The following BCORL1 variants were observed in gnomAD, a reference collection of about 807,000 sequenced individuals.
BCORL1 encodes BCL6 corepressor like 1.
In BCORL1, 7 loss-of-function variants were observed where a neutral mutation model predicts 87.6. The observed-to-expected ratio is 0.08, with a 90% CI of 0.05 to 0.15. The LOEUF (loss-of-function observed/expected upper bound fraction) is 0.15. BCORL1 is among the 10% of genes least tolerant of loss of function. The pLI, the probability that BCORL1 is intolerant of heterozygous loss-of-function variation, is 1.00. For missense variants in BCORL1, 1,215 were observed against 1,499.7 expected (o/e 0.81, Z 3.13); for synonymous variants, 591 against 634.4 (o/e 0.93, Z 1.03).
At chrX:130,039,084 C>T (rs1311879070) in intron 10 of BCORL1, 53 bp from the exon 11 acceptor site, 90 of 1,180,449 alleles carry the variant, frequency 7.6e-5, no homozygotes, top group Non-Finnish European at 9.2e-6. Flanking sequence ...TAAGTGTAGA[C>T]ACCCCAGTTC....
intron 1 of BCORL1, among the ~76,000 whole-genome samples, chrX:129,984,581 C>G (rs935364591): frequency 1.8e-5 from 2 of 111,110 alleles, no homozygotes; most frequent in African/African-American, 6.5e-5. Flanking sequence ...GGGCCCTCCT[C>G]GCCGGGGTCC....
chrX:130,013,027 G>T lies in BCORL1; in HGVS notation c.255G>T (p.Gly85=). 1 of 1,209,267 alleles carries T rather than the reference G, an allele frequency of 8.3e-7. No individual in the cohort carries two copies. Among genetic ancestry groups the T allele is most frequent in the Middle Eastern group, 2.3e-4 (1 of 4,345 alleles). The change falls in exon 4 of 14, where the codon GGG becomes GGT. Residue 85 remains glycine, a synonymous_variant. Coordinates refer to ENST00000540052, the MANE Select transcript of BCORL1 (RefSeq NM_001379451.1). ...DPDGSATEKL[G]HKSEDKPDDP... ...ATGGCAGTGCTACAGAAAAACTTGG[G>T]CACAAGTCAGAAGACAAGCCTGACG...
rs776306357 is a variant in BCORL1, at chrX:130,015,345, C to T, written c.2573C>T (p.Ala858Val). 15 of 1,210,440 alleles carry T rather than the reference C, an allele frequency of 1.2e-5. No individual in the cohort carries two copies. The highest frequency in any genetic ancestry group is 3.5e-5 in the South Asian group (2 of 56,896). Reference sequence around the variant, plus strand: ...GGGCAGCTGACCCCCAGTCAGGGGGCGCCCATCAGGCCCACCAGCGTTGTT... The same window carrying T: ...GGGCAGCTGACCCCCAGTCAGGGGGTGCCCATCAGGCCCACCAGCGTTGTT... The part of the protein sequence containing the change: ...SAGQLTPSQG[A>V]PIRPTSVVSE... Residue 858 changes from alanine to valine, a missense_variant, in exon 4 of 14, where the codon GCG becomes GTG. By Grantham distance (64) the Ala-to-Val change is moderately conservative. This residue lies in a region of BCORL1 where 861 missense variants were observed against 1,010.0 expected (regional missense o/e 0.85). Coordinates refer to ENST00000540052, the MANE Select transcript of BCORL1 (RefSeq NM_001379451.1).
chrX:130,024,993 G>A lies in BCORL1; in HGVS notation c.3692G>A (p.Ser1231Asn). The A allele has an allele frequency of 3.3e-6, 4 of 1,210,359 alleles. No homozygotes were observed. Among genetic ancestry groups the A allele is most frequent in the Non-Finnish European group, 4.5e-6 (4 of 894,631 alleles). The change falls in exon 7 of 14, where the codon AGC (serine) becomes AAC (asparagine). Residue 1231 changes from serine to asparagine, a missense_variant. By Grantham distance (46) the Ser-to-Asn change is conservative. This residue lies in a region of BCORL1 where 166 missense variants were observed against 196.5 expected (regional missense o/e 0.84). Coordinates refer to ENST00000540052, the MANE Select transcript of BCORL1 (RefSeq NM_001379451.1). ...LSTRTRSQSG[S>N]ICSSFAGMAD... ...CCTCTGTACATCCCATCCACAGGAA[G>A]CATCTGTAGCTCCTTTGCTGGCATG...
chrX:130,050,105 T>C (rs922134966), intron 11 of BCORL1, among the ~76,000 whole-genome samples: 2 of 110,729 alleles, frequency 1.8e-5, no homozygotes, highest in African/African-American at 3.3e-5. Context: ...TTGGGAAATC[T>C]GGATTTTTAA....
At chrX:130,005,782 AT>A (rs143969417) in intron 2 of BCORL1, among the ~76,000 whole-genome samples, 8,713 of 98,234 alleles carry the variant, frequency 0.089, 477 homozygotes, top group Admixed American at 0.24. Context: ...CGCCCGGCTA[AT>A]TTTTTTTTTT....
chrX:130,043,157 G>A (rs1303875061), intron 11 of BCORL1, among the ~76,000 whole-genome samples: 1 of 103,438 alleles, frequency 9.7e-6, no homozygotes, highest in East Asian at 3.2e-4. Context: ...TCAGCTTCCC[G>A]AGTAGCTATG....
At chrX:129,989,281 G>T (rs1437196764) in intron 1 of BCORL1, among the ~76,000 whole-genome samples, 1 of 102,048 alleles carries the variant, frequency 9.8e-6, no homozygotes, top group East Asian at 3.0e-4. Flanking sequence ...GACTACAGGC[G>T]CCCGCCACCA....
rs147178297 is a variant in BCORL1, at chrX:129,998,178, G to A, written c.-44-7010G>A. 9.4e-3 allele frequency among the ~76,000 whole-genome samples: 1,037 copies of A among 110,722 alleles called. 13 individuals carry two copies. Among genetic ancestry groups the A allele is most frequent in the African/African-American group, 0.032 (986 of 30,368 alleles). On this transcript the variant is annotated intron_variant, in intron 1 of 13. Transcript: ENST00000540052. ...TGACCAGGGTTGATTCTTGGGCCAT[G>A]CAGCTGTTCATTTCTTTAACAATTA...
chrX:130,003,019 C>T (rs770748828), intron 1 of BCORL1, among the ~76,000 whole-genome samples: 76 of 110,586 alleles, frequency 6.9e-4, no homozygotes, highest in African/African-American at 2.4e-3. Flanking sequence ...GGCAACGTAT[C>T]CCACTCTGCA....
intron 1 of BCORL1, among the ~76,000 whole-genome samples, chrX:129,996,772 A>G (rs2124362152): frequency 9.0e-6 from 1 of 110,649 alleles, no homozygotes; most frequent in African/African-American, 3.3e-5. Context: ...GGTGTGCACC[A>G]TCACACCCAG....
chrX:130,029,177 A>T (rs746432486), intron 8 of BCORL1, among the ~76,000 whole-genome samples: 1 of 111,798 alleles, frequency 8.9e-6, no homozygotes, highest in South Asian at 3.7e-4. Context: ...TCTGGGTTTA[A>T]CTTACTGGAA....
intron 11 of BCORL1, among the ~76,000 whole-genome samples, chrX:130,047,492 T>C (rs1391514699): frequency 8.9e-6 from 1 of 112,329 alleles, no homozygotes; most frequent in Non-Finnish European, 1.9e-5. Flanking sequence ...AGTTAACTTT[T>C]GGCTGTCTCA....
At chrX:130,001,154 G>C (rs758402708) in intron 1 of BCORL1, among the ~76,000 whole-genome samples, 4 of 110,959 alleles carry the variant, frequency 3.6e-5, no homozygotes, top group Non-Finnish European at 7.6e-5. Context: ...GCAATGGTGC[G>C]ATCTTGGCTC....
chrX:129,999,683 T>TC (rs1569359623), intron 1 of BCORL1, among the ~76,000 whole-genome samples: 17 of 103,643 alleles, frequency 1.6e-4, no homozygotes, highest in South Asian at 4.6e-4. Context: ...CTAATTCTTT[T>TC]TCCCCCCCCC....
At chrX:129,999,469 C>T (rs1333395553) in intron 1 of BCORL1, among the ~76,000 whole-genome samples, 1 of 106,108 alleles carries the variant, frequency 9.4e-6, no homozygotes, top group African/African-American at 3.5e-5. Context: ...CAGCCACACA[C>T]GGCTATTTTT....
chrX:130,030,024 G>C (rs760681809), intron 8 of BCORL1, among the ~76,000 whole-genome samples: 2 of 110,985 alleles, frequency 1.8e-5, no homozygotes, highest in African/African-American at 6.6e-5. Flanking sequence ...CCAAGTGCTC[G>C]TCTCCCCTCC....
chrX:130,033,186 A>G (rs1264493656), intron 8 of BCORL1, among the ~76,000 whole-genome samples: 2 of 107,305 alleles, frequency 1.9e-5, no homozygotes, highest in Non-Finnish European at 3.8e-5. Flanking sequence ...GGCTCAAGTG[A>G]TTCTCATGCC....
chrX:130,028,014 C>G (rs1013990324), intron 7 of BCORL1, among the ~76,000 whole-genome samples: 1 of 112,279 alleles, frequency 8.9e-6, no homozygotes, highest in Admixed American at 9.4e-5. Context: ...TCTAGTGACA[C>G]CAGTGACTTG....
Sources: allele counts gnomAD v4.1 joint callset (sites outside exome capture counted in the v4.1 genomes callset), GRCh38; gene constraint gnomAD v4.1.1; regional missense constraint gnomAD v4.1.1; transcripts MANE v1.5; gene names NCBI Gene and HGNC (gene_info 2026-07-23, HGNC 2026-07-21).